TBC1D4: variants seen among roughly 807,000 people sequenced by gnomAD.
The protein encoded by TBC1D4 is TBC (Tre-2, BUB2, CDC16) domain-containing protein.
A neutral mutation model predicts 142.5 loss-of-function variants in TBC1D4; 121 were observed. That is an observed-to-expected ratio of 0.85 (90% CI 0.73 to 0.99). TBC1D4 has a LOEUF of 0.99. Ranked by LOEUF, TBC1D4 falls within the 50% of genes least tolerant of loss-of-function variation. The probability of loss-of-function intolerance (pLI) is 0.00; values close to 1 mark genes in which losing one functional copy is unlikely to be tolerated. For synonymous variants in TBC1D4, 630 were observed against 628.2 expected (o/e 1.00, Z -0.04); for missense variants, 1,475 against 1,606.6 (o/e 0.92, Z 1.40).
At chr13:75,346,163 T>G (rs1248196552) in intron 5 of TBC1D4, among the ~76,000 whole-genome samples, 3 of 151,684 alleles carry the variant, frequency 2.0e-5, no homozygotes, top group Non-Finnish European at 3.0e-5. Context: ...CAAAGTTTTG[T>G]TTTTTTTATA....
intron 1 of TBC1D4, among the ~76,000 whole-genome samples, chr13:75,428,237 T>C (rs1380098494): frequency 6.6e-6 from 1 of 152,128 alleles, no homozygotes; most frequent in Non-Finnish European, 1.5e-5. Context: ...GACAGTAAAA[T>C]GCTTCGTGTC....
At chr13:75,304,751 G>A (rs1014587100) in intron 15 of TBC1D4, among the ~76,000 whole-genome samples, 1 of 151,986 alleles carries the variant, frequency 6.6e-6, no homozygotes, top group Non-Finnish European at 1.5e-5. Flanking sequence ...AGTGAGAAGA[G>A]GATGGAGTGG....
intron 1 of TBC1D4, among the ~76,000 whole-genome samples, chr13:75,430,718 C>T (rs1401802988): frequency 2.0e-5 from 3 of 152,122 alleles, no homozygotes; most frequent in Admixed American, 2.0e-4. Flanking sequence ...TTTATTTCCC[C>T]ATCGATTTGT....
rs147604040 is a variant in TBC1D4 at position 75,426,101 on chromosome 13, G to A, written c.498+55169C>T. ...TGTATAAAATTTTTACTTATCAATT[G>A]AAATAAAATTTTTAATGGGAGAAAA... is the stretch of plus-strand genomic sequence containing the variant. On this transcript the variant is annotated intron_variant, in intron 1 of 20. Coordinates refer to ENST00000377636, the MANE Select transcript of TBC1D4 (RefSeq NM_014832.5). Among the ~76,000 whole-genome samples the A allele has an allele frequency of 4.4e-3, 668 of 152,072 alleles. 10 individuals are homozygous for A. The highest frequency in any genetic ancestry group is 0.016 in the African/African-American group (650 of 41,484).
intron 1 of TBC1D4, among the ~76,000 whole-genome samples, chr13:75,372,589 AAAC>A (rs1883277287): frequency 6.6e-6 from 1 of 152,168 alleles, no homozygotes; most frequent in Non-Finnish European, 1.5e-5. Context: ...ATTTTTTGAA[AAAC>A]ATAGTTCAAC....
intron 1 of TBC1D4, among the ~76,000 whole-genome samples, chr13:75,368,409 G>A (rs1883041063): frequency 6.6e-6 from 1 of 152,202 alleles, no homozygotes; most frequent in African/African-American, 2.4e-5. Context: ...TGATCCTCGG[G>A]CTATGAGCCA....
At chr13:75,338,429 C>A (rs765642341) in intron 7 of TBC1D4, among the ~76,000 whole-genome samples, 1 of 152,102 alleles carries the variant, frequency 6.6e-6, no homozygotes, top group Non-Finnish European at 1.5e-5. Flanking sequence ...TAGCAAATAT[C>A]TGACACATAG....
chr13:75,369,720 A>G (rs1463557603), intron 1 of TBC1D4, among the ~76,000 whole-genome samples: 2 of 152,196 alleles, frequency 1.3e-5, no homozygotes. Flanking sequence ...CTGAAAGGCA[A>G]CCTAAGAAAA....
chr13:75,394,948 G>C (rs1370037357), intron 1 of TBC1D4, among the ~76,000 whole-genome samples: 4 of 152,192 alleles, frequency 2.6e-5, no homozygotes, highest in African/African-American at 9.7e-5. Flanking sequence ...GTGAGGTGGG[G>C]TGCAGGATCA....
chr13:75,399,454 A>G (rs1884967073), intron 1 of TBC1D4, among the ~76,000 whole-genome samples: 1 of 152,158 alleles, frequency 6.6e-6, no homozygotes, highest in Middle Eastern at 3.4e-3. Context: ...TGTTTTATAT[A>G]TGGGGGGCTG....
intron 20 of TBC1D4, among the ~76,000 whole-genome samples, chr13:75,287,733 C>G (rs1874841777): frequency 6.6e-6 from 1 of 152,126 alleles, no homozygotes; most frequent in Non-Finnish European, 1.5e-5. Context: ...TTTAGTGTTC[C>G]CATTCTTGGG....
rs1841728084 is a variant in TBC1D4, at chr13:75,362,699, T to A, written c.499-92A>T. 5.1e-6 allele frequency: 7 copies of A among 1,363,628 alleles called. No homozygotes were observed. The Admixed American group carries it at 1.2e-4, about 24-fold the overall frequency. The allele number at this position is 1,363,628 out of a possible 1,614,324, so 84.5% of individuals were successfully genotyped here. A position where few individuals can be genotyped will look rare whatever the true frequency, so the allele number is the denominator to read the frequency against. Reference sequence around the variant, plus strand: ...CAATTATTACCACATGGAATGTATTTTCATCCTAAATAATATACAAAGTAA... The same window carrying A: ...CAATTATTACCACATGGAATGTATTATCATCCTAAATAATATACAAAGTAA... On this transcript the variant is annotated intron_variant, in intron 1 of 20. Coordinates refer to ENST00000377636, the MANE Select transcript of TBC1D4 (RefSeq NM_014832.5). The surrounding 1 kb of genome is among the most constrained non-coding windows in gnomAD (Gnocchi z 4.2).
chr13:75,293,053 G>T (rs760957187), intron 18 of TBC1D4, among the ~76,000 whole-genome samples: 5 of 152,152 alleles, frequency 3.3e-5, no homozygotes, highest in Non-Finnish European at 5.9e-5. Flanking sequence ...TACTCGGGAG[G>T]CTGAGGCAGG....
intron 5 of TBC1D4, 31 bp downstream of exon 5, chr13:75,349,139 T>C: frequency 6.2e-7 from 1 of 1,613,846 alleles, no homozygotes; most frequent in South Asian, 1.1e-5. Flanking sequence ...AAAGCAAACT[T>C]CTCTTTTGCC....
intron 1 of TBC1D4, among the ~76,000 whole-genome samples, chr13:75,398,016 G>A (rs2138335346): frequency 6.6e-6 from 1 of 152,282 alleles, no homozygotes; most frequent in African/African-American, 2.4e-5. Context: ...CACGCTGTGA[G>A]GAAGGCCAAG....
At chr13:75,438,358 T>C (rs1280139424) in intron 1 of TBC1D4, among the ~76,000 whole-genome samples, 1 of 152,242 alleles carries the variant, frequency 6.6e-6, no homozygotes, top group African/African-American at 2.4e-5. Flanking sequence ...TGCCTTTCAA[T>C]ATTAGCTGCT....
At chr13:75,334,539 AATTTTTTTATTTCCATAGGTTATT>A (rs1188706529) in intron 8 of TBC1D4, among the ~76,000 whole-genome samples, 5 of 151,710 alleles carry the variant, frequency 3.3e-5, no homozygotes, top group African/African-American at 9.7e-5. Flanking sequence ...TTATTTTTGT[AATTTTTTTATTTCCATAGGTTATT>A]GGGGAACAGG....
chr13:75,390,026 A>G (rs779031557), intron 1 of TBC1D4, among the ~76,000 whole-genome samples: 19 of 152,176 alleles, frequency 1.2e-4, no homozygotes, highest in Non-Finnish European at 2.9e-5. Context: ...CTGTAATCCA[A>G]GCACTTTGGG....
At chr13:75,401,719 G>C (rs1020334949) in intron 1 of TBC1D4, among the ~76,000 whole-genome samples, 1 of 152,074 alleles carries the variant, frequency 6.6e-6, no homozygotes, top group African/African-American at 2.4e-5. Flanking sequence ...TGTTGTTGTT[G>C]TTCTTGTTGT....
Sources: allele counts gnomAD v4.1 joint callset (sites outside exome capture counted in the v4.1 genomes callset), GRCh38; gene constraint gnomAD v4.1.1; non-coding constraint Gnocchi (gnomAD v3.1); transcripts MANE v1.5; gene names NCBI Gene and HGNC (gene_info 2026-07-23, HGNC 2026-07-21).